The following UNC5D variants were observed in gnomAD, a reference collection of about 807,000 sequenced individuals.
UNC5D encodes the protein unc-5 netrin receptor D.
In UNC5D, 39 loss-of-function variants were observed where a neutral mutation model predicts 105.4. The observed-to-expected ratio is 0.37, with a 90% CI of 0.29 to 0.48. The LOEUF (loss-of-function observed/expected upper bound fraction) is 0.48. Among genes scored for constraint, UNC5D ranks in the 20% least tolerant of loss-of-function variants. The pLI is 0.98. For synonymous variants in UNC5D, 452 were observed against 450.4 expected (o/e 1.00, Z -0.04); for missense variants, 991 against 1,202.4 (o/e 0.82, Z 2.60).
At position 35,283,309 on chromosome 8, in the gene UNC5D, G is replaced by A. The variant is rs181632482; in HGVS notation, c.103+47422G>A. On this transcript the variant is annotated intron_variant, in intron 1 of 16. Transcript: ENST00000404895. Reference sequence around the variant, plus strand: ...TTTCTAACTGTTCACGGTCAAGTCTGTGCCTGCAGCATCAATATTTAGCAG... The same window carrying A: ...TTTCTAACTGTTCACGGTCAAGTCTATGCCTGCAGCATCAATATTTAGCAG... 8.4e-4 allele frequency among the ~76,000 whole-genome samples: 128 copies of A among 152,184 alleles called. 1 individual carries two copies. Among genetic ancestry groups the A allele is most frequent in the Non-Finnish European group, 1.2e-4 (8 of 68,024 alleles).
intron 1 of UNC5D, among the ~76,000 whole-genome samples, chr8:35,444,284 G>C (rs539200506): frequency 6.6e-6 from 1 of 152,002 alleles, no homozygotes; most frequent in Non-Finnish European, 1.5e-5. Context: ...CGAGTGATAA[G>C]CTCTTTGGGA....
rs1444025984 is a variant in UNC5D at position 35,795,931 on chromosome 8, T to G, written c.*5368T>G. 2 of 152,204 alleles carry G rather than the reference T, an allele frequency of 1.3e-5. No individual in the cohort carries two copies. Among genetic ancestry groups the G allele is most frequent in the African/African-American group, 4.8e-5 (2 of 41,452 alleles). 9.4% of individuals were successfully genotyped at this position (152,204 alleles called of 1,614,324 possible). A position where few individuals can be genotyped will look rare whatever the true frequency, so the allele number is the denominator to read the frequency against. ...AGCATTTAAAGGAAAACTGGCTCAT[T>G]CTTCTGACCCAAACTCAAAAAATAT... On this transcript the variant is annotated 3_prime_UTR_variant, in exon 17 of 17. Transcript: ENST00000404895.
At position 35,489,567 on chromosome 8, in the gene UNC5D, C is replaced by G. The variant is rs544393950; in HGVS notation, c.104-59725C>G. Among the ~76,000 whole-genome samples, 118 of 152,242 alleles carry G rather than the reference C, an allele frequency of 7.8e-4. 1 individual carries two copies. The South Asian group carries it at 0.023, about 30-fold the overall frequency. On this transcript the variant is annotated intron_variant, in intron 1 of 16. Coordinates refer to ENST00000404895, the MANE Select transcript of UNC5D (RefSeq NM_080872.4). ...AGAGGAAAAGCCAAGTGAGGACACG[C>G]AGGAAAAATAAATTTGCCAATACCT...
chr8:35,310,767 C>T (rs1038595854), intron 1 of UNC5D, among the ~76,000 whole-genome samples: 14 of 151,934 alleles, frequency 9.2e-5, no homozygotes, highest in African/African-American at 3.4e-4. Flanking sequence ...ATACTAGTGC[C>T]GGTGGATCAG....
chr8:35,376,757 T>C (rs960831975), intron 1 of UNC5D, among the ~76,000 whole-genome samples: 1 of 152,184 alleles, frequency 6.6e-6, no homozygotes, highest in Non-Finnish European at 1.5e-5. Flanking sequence ...CTTTGCAACA[T>C]GCAGTTGCTG....
intron 1 of UNC5D, among the ~76,000 whole-genome samples, chr8:35,538,429 A>T (rs1288714037): frequency 1.0e-5 from 1 of 99,506 alleles, no homozygotes; most frequent in African/African-American, 4.3e-5. Flanking sequence ...ATATATATAT[A>T]TATATATATA....
At chr8:35,460,960 AT>A (rs1181300480) in intron 1 of UNC5D, among the ~76,000 whole-genome samples, 2 of 152,226 alleles carry the variant, frequency 1.3e-5, no homozygotes, top group Non-Finnish European at 2.9e-5. Flanking sequence ...GATCAGGGCG[AT>A]TCTCCTTATT....
chr8:35,738,376 C>T (rs528567883), intron 11 of UNC5D, among the ~76,000 whole-genome samples: 3 of 152,266 alleles, frequency 2.0e-5, no homozygotes, highest in African/African-American at 7.2e-5. Flanking sequence ...TGTTTAAATG[C>T]TACATTTGGA....
intron 1 of UNC5D, among the ~76,000 whole-genome samples, chr8:35,402,489 C>T (rs942457645): frequency 2.0e-5 from 3 of 152,174 alleles, no homozygotes; most frequent in African/African-American, 7.2e-5. Context: ...TCCTGCAACA[C>T]GTGGGAATTA....
chr8:35,713,582 T>A (rs1828085486), intron 8 of UNC5D, among the ~76,000 whole-genome samples: 1 of 152,236 alleles, frequency 6.6e-6, no homozygotes, highest in Admixed American at 6.5e-5. Context: ...ACTCATTTTT[T>A]ATCTGAAATT....
At chr8:35,621,066 C>G (rs1821332697) in intron 4 of UNC5D, among the ~76,000 whole-genome samples, 1 of 152,176 alleles carries the variant, frequency 6.6e-6, no homozygotes, top group South Asian at 2.1e-4. Context: ...TACTTTCCCC[C>G]ACTGGCCACA....
At chr8:35,750,942 T>A in intron 13 of UNC5D, 133 bp downstream of exon 13, 2 of 1,023,646 alleles carry the variant, frequency 2.0e-6, no homozygotes, top group South Asian at 3.0e-5. Flanking sequence ...GCCCAGTGGG[T>A]TCACCTTGCC....
intron 1 of UNC5D, among the ~76,000 whole-genome samples, chr8:35,527,082 A>G (rs1813932421): frequency 6.6e-6 from 1 of 152,016 alleles, no homozygotes; most frequent in Non-Finnish European, 1.5e-5. Flanking sequence ...ACTCTGATAC[A>G]TCAAATGGTA....
chr8:35,580,149 T>C (rs1818382823), intron 3 of UNC5D, among the ~76,000 whole-genome samples: 1 of 152,162 alleles, frequency 6.6e-6, no homozygotes, highest in Admixed American at 6.5e-5. Flanking sequence ...ATAAACCAGT[T>C]TGAAGAATGA....
intron 1 of UNC5D, among the ~76,000 whole-genome samples, chr8:35,474,210 A>G (rs1365834647): frequency 6.6e-6 from 1 of 152,168 alleles, no homozygotes. Flanking sequence ...ACCAATTGTA[A>G]TTTTCCCCTT....
intron 1 of UNC5D, among the ~76,000 whole-genome samples, chr8:35,474,877 C>T (rs1469815961): frequency 6.6e-6 from 1 of 152,188 alleles, no homozygotes; most frequent in African/African-American, 2.4e-5. Flanking sequence ...AAAGGAGGCT[C>T]AGCAGAGGAG....
intron 1 of UNC5D, among the ~76,000 whole-genome samples, chr8:35,426,779 C>G (rs2128971085): frequency 6.6e-6 from 1 of 152,220 alleles, no homozygotes; most frequent in African/African-American, 2.4e-5. Context: ...TGTTCCAGAA[C>G]CATTATTGTT....
chr8:35,715,074 C>T (rs1335577464), intron 8 of UNC5D, among the ~76,000 whole-genome samples: 1 of 152,124 alleles, frequency 6.6e-6, no homozygotes, highest in Admixed American at 6.5e-5. Context: ...TCACTTGAAC[C>T]CAGGAGATGG....
At chr8:35,719,681 T>A (rs1253448722) in intron 8 of UNC5D, among the ~76,000 whole-genome samples, 1 of 152,042 alleles carries the variant, frequency 6.6e-6, no homozygotes, top group East Asian at 1.9e-4. Flanking sequence ...CAATAAATGT[T>A]TGTTGAATTA....
Sources: gnomAD v4.1 joint callset for allele counts (sites outside exome capture counted in the v4.1 genomes callset) on GRCh38, gnomAD v4.1.1 for gene constraint, MANE v1.5 for transcripts, NCBI Gene and HGNC (gene_info 2026-07-23, HGNC 2026-07-21) for gene names.